The following PCDH15 variants were observed in gnomAD, a reference collection of about 807,000 sequenced individuals.
The protein encoded by PCDH15 is protocadherin related 15.
PCDH15 carries 129 observed loss-of-function variants against 178.5 expected under a neutral mutation model. That is an observed-to-expected ratio of 0.72 (90% CI 0.63 to 0.84). The LOEUF (loss-of-function observed/expected upper bound fraction) is 0.84. Among genes scored for constraint, PCDH15 ranks in the 40% least tolerant of loss-of-function variants. The probability of loss-of-function intolerance (pLI) is 0.00; values close to 1 mark genes in which losing one functional copy is unlikely to be tolerated. For synonymous variants in PCDH15, 800 were observed against 732.0 expected (o/e 1.09, Z -1.50); for missense variants, 2,230 against 2,099.9 (o/e 1.06, Z -1.21).
At chr10:54,545,504 A>C (rs1347676241) in intron 2 of PCDH15, among the ~76,000 whole-genome samples, 1 of 152,122 alleles carries the variant, frequency 6.6e-6, no homozygotes, top group Non-Finnish European at 1.5e-5. Flanking sequence ...AAATTATTTT[A>C]TAATTTTGGT....
At chr10:54,970,908 T>C (rs763285845) in intron 2 of PCDH15, among the ~76,000 whole-genome samples, 2 of 152,186 alleles carry the variant, frequency 1.3e-5, no homozygotes, top group East Asian at 3.9e-4. Context: ...AAAATATTTA[T>C]CATATGTTTG....
chr10:54,495,275 G>A (rs1043987666), intron 3 of PCDH15, among the ~76,000 whole-genome samples: 2 of 152,090 alleles, frequency 1.3e-5, no homozygotes, highest in Admixed American at 6.6e-5. Context: ...TATATATAAT[G>A]TATATGAAGC....
chr10:54,070,212 T>C (rs554618194), intron 17 of PCDH15, among the ~76,000 whole-genome samples: 1 of 152,348 alleles, frequency 6.6e-6, no homozygotes, highest in African/African-American at 2.4e-5. Context: ...TTTGTTTGTT[T>C]GTTTGTTTTG....
intron 2 of PCDH15, among the ~76,000 whole-genome samples, chr10:54,981,601 C>G (rs1458570443): frequency 6.6e-6 from 1 of 152,064 alleles, no homozygotes; most frequent in Admixed American, 6.6e-5. Context: ...TTAAACTAAA[C>G]AAAAGGGTTT....
chr10:54,138,601 C>G (rs2043099061), intron 14 of PCDH15, among the ~76,000 whole-genome samples: 1 of 152,140 alleles, frequency 6.6e-6, no homozygotes, highest in South Asian at 2.1e-4. Context: ...TTTTGTGCTA[C>G]TGCTCTAACC....
intron 1 of PCDH15, among the ~76,000 whole-genome samples, chr10:54,746,221 C>T (rs537749563): frequency 8.5e-5 from 13 of 152,048 alleles, no homozygotes; most frequent in East Asian, 1.9e-4. Context: ...GGATGATTTG[C>T]GCCCTCCCAG....
At chr10:54,849,288 A>G (rs771679620) in intron 3 of PCDH15, among the ~76,000 whole-genome samples, 1 of 152,150 alleles carries the variant, frequency 6.6e-6, no homozygotes, top group Non-Finnish European at 1.5e-5. Context: ...TCTGCTTACT[A>G]CTGAGCCCTG....
intron 1 of PCDH15, among the ~76,000 whole-genome samples, chr10:55,186,711 C>T (rs988680814): frequency 1.3e-5 from 2 of 151,214 alleles, no homozygotes; most frequent in Non-Finnish European, 3.0e-5. Context: ...CATAGAACTA[C>T]CAGTCTTTAA....
At chr10:54,556,831 A>C (rs2087343932) in intron 2 of PCDH15, among the ~76,000 whole-genome samples, 4 of 151,816 alleles carry the variant, frequency 2.6e-5, no homozygotes, top group South Asian at 4.2e-4. Context: ...TTGTATTATA[A>C]GCATAATTAG....
At chr10:54,137,031 C>G (rs1339214888) in intron 14 of PCDH15, among the ~76,000 whole-genome samples, 2 of 152,058 alleles carry the variant, frequency 1.3e-5, no homozygotes, top group African/African-American at 4.8e-5. Flanking sequence ...CCTTTTTATC[C>G]CTGATGTCAG....
At chr10:54,941,413 T>C (rs1476464743) in intron 2 of PCDH15, among the ~76,000 whole-genome samples, 1 of 152,108 alleles carries the variant, frequency 6.6e-6, no homozygotes, top group East Asian at 1.9e-4. Context: ...TACTTTTCAA[T>C]TCCAAGATTT....
intron 2 of PCDH15, among the ~76,000 whole-genome samples, chr10:54,909,506 A>G (rs1346627632): frequency 6.6e-6 from 1 of 152,130 alleles, no homozygotes; most frequent in Non-Finnish European, 1.5e-5. Flanking sequence ...GACTGGCCTC[A>G]TCTTTGCTCC....
chr10:53,988,691 A>G (rs894785851), intron 21 of PCDH15, among the ~76,000 whole-genome samples: 1 of 152,158 alleles, frequency 6.6e-6, no homozygotes, highest in African/African-American at 2.4e-5. Context: ...CAGAATAAAG[A>G]ATATCATTTA....
intron 2 of PCDH15, among the ~76,000 whole-genome samples, chr10:55,586,730 G>A (rs560396929): frequency 2.3e-4 from 35 of 152,044 alleles, no homozygotes; most frequent in Non-Finnish European, 4.4e-4. Context: ...ATGGTTGGCT[G>A]CATTTATAAA....
At chr10:55,053,597 T>C (rs1397901053) in intron 2 of PCDH15, among the ~76,000 whole-genome samples, 1 of 152,210 alleles carries the variant, frequency 6.6e-6, no homozygotes, top group Non-Finnish European at 1.5e-5. Flanking sequence ...GCAATAAACT[T>C]GATCTCATTG....
chr10:54,097,519 C>T (rs7915544), intron 15 of PCDH15, among the ~76,000 whole-genome samples: 1 of 152,100 alleles, frequency 6.6e-6, no homozygotes. Flanking sequence ...CTCTAGCTTT[C>T]CTTCTTTCAT....
At chr10:55,553,661 T>TA (rs1371946474) in intron 2 of PCDH15, among the ~76,000 whole-genome samples, 3 of 151,980 alleles carry the variant, frequency 2.0e-5, no homozygotes, top group African/African-American at 7.2e-5. Context: ...ATCAGTAACA[T>TA]AAACCCTGTA....
chr10:55,107,376 G>A (rs376512153), intron 2 of PCDH15, among the ~76,000 whole-genome samples: 33 of 151,664 alleles, frequency 2.2e-4, no homozygotes, highest in African/African-American at 8.0e-4. Context: ...CTTTTATTAG[G>A]TCATACATGA....
At chr10:55,509,275 G>A (rs977924297) in intron 2 of PCDH15, among the ~76,000 whole-genome samples, 1 of 151,756 alleles carries the variant, frequency 6.6e-6, no homozygotes, top group Non-Finnish European at 1.5e-5. Flanking sequence ...GCAATACAGT[G>A]TTGAAAGGTG....
Sources: gnomAD v4.1 joint callset for allele counts (sites outside exome capture counted in the v4.1 genomes callset) on GRCh38, gnomAD v4.1.1 for gene constraint, MANE v1.5 for transcripts, NCBI Gene and HGNC (gene_info 2026-07-23, HGNC 2026-07-21) for gene names.